SMIM36: variants seen among roughly 807,000 people sequenced by gnomAD.
SMIM36 encodes small integral membrane protein 36.
chr17:55,521,413 G>T, the SMIM36 span, among the ~76,000 whole-genome samples: 1 of 152,112 alleles, frequency 6.6e-6, no homozygotes, highest in African/African-American at 2.4e-5. Context: ...TGCTGCTCTT[G>T]TTCCCTTTTC....
In SMIM36 at chr17:55,461,520, T is replaced by TA. The variant is rs1170699811; in HGVS notation, c.*531+5624_*531+5625insT. On this transcript the variant is annotated intron_variant, in intron 4 of 4. Coordinates refer to ENST00000636752, the Ensembl canonical transcript of SMIM36. ...ATTATAGAGAAGCAGGAGAGTTGCTTGAGTCCAGGAGTGCCAGGCTGTAGT... is the reference window on the plus strand; with the variant it reads ...ATTATAGAGAAGCAGGAGAGTTGCTTAGAGTCCAGGAGTGCCAGGCTGTAGT... Among the ~76,000 whole-genome samples the TA allele has an allele frequency of 2.0e-5, 3 of 152,280 alleles. No individual in the cohort carries two copies. The East Asian group carries it at 5.8e-4, about 29-fold the overall frequency.
At chr17:55,481,702 T>C (rs941878497) in intron 1 of SMIM36, among the ~76,000 whole-genome samples, 2 of 152,102 alleles carry the variant, frequency 1.3e-5, no homozygotes, top group Non-Finnish European at 2.9e-5. Context: ...ATAATTATTA[T>C]TATTATTTTG....
At chr17:55,491,593 C>A (rs1246550651) in intron 1 of SMIM36, among the ~76,000 whole-genome samples, 1 of 152,138 alleles carries the variant, frequency 6.6e-6, no homozygotes, top group Non-Finnish European at 1.5e-5. Flanking sequence ...TAATTAAGTT[C>A]TAGCTAATGA....
chr17:55,467,843 G>C (rs1187497527), intron 3 of SMIM36, among the ~76,000 whole-genome samples: 1 of 152,154 alleles, frequency 6.6e-6, no homozygotes, highest in Non-Finnish European at 1.5e-5. Context: ...CACAAAAGAA[G>C]TGAAAATAGG....
chr17:55,474,625 G>A (rs577654837), intron 3 of SMIM36, among the ~76,000 whole-genome samples: 1 of 152,148 alleles, frequency 6.6e-6, no homozygotes, highest in Non-Finnish European at 1.5e-5. Flanking sequence ...TGATACTTTG[G>A]TTTTGCTTTT....
chr17:55,509,645 G>A (rs1460321451), intron 1 of SMIM36, among the ~76,000 whole-genome samples: 2 of 152,066 alleles, frequency 1.3e-5, no homozygotes, highest in East Asian at 3.8e-4. Context: ...CATATGGCAG[G>A]GTCATGACAC....
intron 4 of SMIM36, chr17:55,454,187 G>A (rs1423693198): frequency 6.6e-6 from 1 of 152,202 alleles, no homozygotes; most frequent in Admixed American, 6.5e-5. Flanking sequence ...TATTTAAAAA[G>A]TGGGTTTAGA....
At chr17:55,466,476 A>C (rs77087058) in intron 4 of SMIM36, among the ~76,000 whole-genome samples, 2 of 152,016 alleles carry the variant, frequency 1.3e-5, no homozygotes, top group African/African-American at 4.8e-5. Context: ...GTAGGACAAA[A>C]GAAGTTACAA....
At chr17:55,464,195 T>C (rs1418749166) in intron 4 of SMIM36, among the ~76,000 whole-genome samples, 1 of 152,196 alleles carries the variant, frequency 6.6e-6, no homozygotes, top group Non-Finnish European at 1.5e-5. Context: ...ATTCTACTAT[T>C]CTATGGCTTG....
At chr17:55,521,532 T>C in the SMIM36 span, among the ~76,000 whole-genome samples, 6 of 152,238 alleles carry the variant, frequency 3.9e-5, no homozygotes, top group African/African-American at 1.2e-4. Context: ...TTTTATAACC[T>C]GTGATTAGGG....
chr17:55,531,406 C>T, the SMIM36 span, among the ~76,000 whole-genome samples: 29,768 of 151,932 alleles, frequency 0.2, 3,274 homozygotes, highest in East Asian at 0.35. Context: ...ATTGTCTTGG[C>T]CTGGTGTATA....
intron 1 of SMIM36, among the ~76,000 whole-genome samples, chr17:55,482,192 T>G (rs186057974): frequency 1.3e-5 from 2 of 152,296 alleles, no homozygotes; most frequent in Admixed American, 6.5e-5. Flanking sequence ...AGAAAGAAGT[T>G]AGAGGTAAAG....
intron 1 of SMIM36, among the ~76,000 whole-genome samples, chr17:55,497,569 C>T (rs753265667): frequency 2.0e-5 from 3 of 151,976 alleles, no homozygotes; most frequent in Middle Eastern, 3.2e-3. Context: ...CCAGCCTACC[C>T]TCTTAAAAAA....
At chr17:55,517,000 C>A in the SMIM36 span, among the ~76,000 whole-genome samples, 1 of 152,110 alleles carries the variant, frequency 6.6e-6, no homozygotes, top group Non-Finnish European at 1.5e-5. Context: ...TATATAATCA[C>A]CTAGATGGGC....
At chr17:55,463,104 C>A (rs917095132) in intron 4 of SMIM36, among the ~76,000 whole-genome samples, 1 of 152,132 alleles carries the variant, frequency 6.6e-6, no homozygotes. Context: ...AACTGCCCCC[C>A]ACCCCTTATC....
chr17:55,510,456 C>T (rs974531139), intron 1 of SMIM36, among the ~76,000 whole-genome samples: 2 of 151,956 alleles, frequency 1.3e-5, no homozygotes, highest in African/African-American at 2.4e-5. Context: ...AAAAGACAGG[C>T]GTGGTGTCAT....
intron 1 of SMIM36, among the ~76,000 whole-genome samples, chr17:55,494,994 C>T (rs1037924177): frequency 2.0e-5 from 3 of 152,142 alleles, no homozygotes; most frequent in Admixed American, 6.6e-5. Context: ...GTATGCAAAG[C>T]GCTTGGTATA....
intron 3 of SMIM36, among the ~76,000 whole-genome samples, chr17:55,469,200 A>G (rs919994761): frequency 6.6e-6 from 1 of 151,550 alleles, no homozygotes; most frequent in Admixed American, 6.6e-5. Context: ...TAATCCTTCT[A>G]TCACCTCCCC....
chr17:55,457,943 G>C (rs1157075275), intron 4 of SMIM36, among the ~76,000 whole-genome samples: 1 of 152,190 alleles, frequency 6.6e-6, no homozygotes, highest in African/African-American at 2.4e-5. Flanking sequence ...GCCTGTTCTT[G>C]AGATTAGTGG....
Sources: allele counts gnomAD v4.1 joint callset (sites outside exome capture counted in the v4.1 genomes callset), GRCh38; gene constraint gnomAD v4.1.1; transcripts MANE v1.5; gene names NCBI Gene and HGNC (gene_info 2026-07-23, HGNC 2026-07-21).